Variants in GTF2A1L observed in about 807,000 individuals in gnomAD.
The protein encoded by GTF2A1L is general transcription factor IIA subunit 1 like, also known as TFIIA-alpha and beta-like factor.
Under a neutral mutation model 49.7 loss-of-function variants are expected in GTF2A1L, and 48 were observed. That is an observed-to-expected ratio of 0.97 (90% CI 0.77 to 1.23). GTF2A1L has a LOEUF of 1.23. Ranked by LOEUF, GTF2A1L falls within the 50% of genes most tolerant of loss-of-function variation. The pLI, the probability that GTF2A1L is intolerant of heterozygous loss-of-function variation, is 0.00. For missense variants in GTF2A1L, 736 were observed against 564.8 expected, an observed-to-expected ratio of 1.30 and a Z score of -3.07; for synonymous variants, 246 against 193.5, an observed-to-expected ratio of 1.27 and a Z score of -2.25.
Position 48,669,966 on chromosome 2 carries a change from T to G in GTF2A1L, c.1223T>G (p.Val408Gly). 1 of 1,613,258 alleles carries G rather than the reference T, an allele frequency of 6.2e-7. No individual in the cohort carries two copies. ...AGTAGTGATAATGAAGACCCTCAAG[T>G]AAACATTGTAGAAGAGGTGAGGATG... is the stretch of plus-strand genomic sequence containing the variant. ...TNSSDNEDPQ[V>G]NIVEEDPLNS... is the part of the protein sequence containing the mutation. Residue 408 changes from valine (V) to glycine (G), a missense_variant, in exon 7 of 9, where the codon GTA becomes GGA. Transcript: ENST00000403751.
At chr2:48,632,712 C>T (rs1379337074) in intron 3 of GTF2A1L, 2 of 160,478 alleles carry the variant, frequency 1.2e-5, no homozygotes, top group African/African-American at 2.4e-5. Flanking sequence ...TGCTTCCACT[C>T]CAAAGATATA....
intron 3 of GTF2A1L, among the ~76,000 whole-genome samples, chr2:48,621,837 T>A (rs1676015994): frequency 1.3e-5 from 2 of 152,208 alleles, no homozygotes; most frequent in Admixed American, 6.5e-5. Context: ...AGACTTCTGC[T>A]TTTAAGGGAA....
At chr2:48,670,018 A>C (rs759724244) in intron 7 of GTF2A1L, 36 bp downstream of exon 7, 1 of 1,566,062 alleles carries the variant, frequency 6.4e-7, no homozygotes, top group Non-Finnish European at 8.6e-7. Flanking sequence ...TTCCTTTATT[A>C]ATTTATAACA....
chr2:48,639,422 A>G (rs910821534), intron 3 of GTF2A1L, among the ~76,000 whole-genome samples: 2 of 152,222 alleles, frequency 1.3e-5, no homozygotes, highest in Non-Finnish European at 2.9e-5. Flanking sequence ...GACCTTTGAC[A>G]AAGTCAACAA....
intron 8 of GTF2A1L, among the ~76,000 whole-genome samples, chr2:48,673,056 T>C (rs780007853): frequency 8.5e-5 from 13 of 152,218 alleles, no homozygotes; most frequent in Non-Finnish European, 1.3e-4. Context: ...ATGTGGTCTT[T>C]TGTTACTGGC....
chr2:48,672,321 A>G (rs1306282005), intron 8 of GTF2A1L, among the ~76,000 whole-genome samples: 2 of 152,238 alleles, frequency 1.3e-5, no homozygotes, highest in Admixed American at 1.3e-4. Context: ...GTATAGTACT[A>G]GGAAGTGAAG....
In GTF2A1L at chr2:48,617,913, C is replaced by G. The variant is rs550127632; in HGVS notation, c.21+18C>G. ...ACCCGGTGGTAAGGAAGACCTCAGG[C>G]TCTGTGTAGAGGGAGCGCCCTGGGA... On this transcript the variant is annotated intron_variant, in intron 1 of 8. Transcript: ENST00000403751. 5 of 1,551,612 alleles carry G rather than the reference C, an allele frequency of 3.2e-6. No homozygotes were observed. The highest frequency in any genetic ancestry group is 2.7e-5 in the African/African-American group (2 of 73,072).
intron 6 of GTF2A1L, among the ~76,000 whole-genome samples, chr2:48,651,620 C>T (rs963894955): frequency 4.6e-5 from 7 of 152,088 alleles, no homozygotes; most frequent in African/African-American, 1.4e-4. Flanking sequence ...TGCTAAGACA[C>T]AGCCAATAAT....
intron 3 of GTF2A1L, among the ~76,000 whole-genome samples, chr2:48,625,077 A>G (rs927764453): frequency 6.9e-6 from 1 of 144,284 alleles, no homozygotes; most frequent in African/African-American, 2.5e-5. Flanking sequence ...GTATATATCC[A>G]TAAGAAGGAT....
chr2:48,640,925 G>C (rs1408870698), intron 3 of GTF2A1L, among the ~76,000 whole-genome samples: 1 of 151,998 alleles, frequency 6.6e-6, no homozygotes, highest in Non-Finnish European at 1.5e-5. Flanking sequence ...TCAAAATTAA[G>C]TAGGAGCTGC....
At chr2:48,645,242 T>C in intron 5 of GTF2A1L, 125 bp downstream of exon 5, 2 of 889,736 alleles carry the variant, frequency 2.2e-6, no homozygotes, top group South Asian at 4.1e-5. Context: ...AAATTGATTT[T>C]AAAAGTAATG....
intron 8 of GTF2A1L, among the ~76,000 whole-genome samples, chr2:48,677,629 G>C (rs1679541653): frequency 6.6e-6 from 1 of 151,990 alleles, no homozygotes; most frequent in African/African-American, 2.4e-5. Flanking sequence ...GACACTCTGG[G>C]TATCCTGTTT....
intron 3 of GTF2A1L, among the ~76,000 whole-genome samples, chr2:48,642,006 A>G (rs1038768188): frequency 2.0e-5 from 3 of 152,196 alleles, no homozygotes; most frequent in East Asian, 1.9e-4. Context: ...TGTTGAACCT[A>G]TACAATTTAG....
chr2:48,631,263 T>C (rs539083390), intron 3 of GTF2A1L, among the ~76,000 whole-genome samples: 19 of 152,274 alleles, frequency 1.2e-4, no homozygotes, highest in African/African-American at 1.9e-4. Context: ...TGGGGCTTTT[T>C]TTGGGTGGTA....
At chr2:48,627,690 TG>T (rs1676359686) in intron 3 of GTF2A1L, among the ~76,000 whole-genome samples, 1 of 144,318 alleles carries the variant, frequency 6.9e-6, no homozygotes, top group South Asian at 2.3e-4. Context: ...GTAAAAATGG[TG>T]TTTCTTGAAA....
In GTF2A1L at chr2:48,620,850, G is replaced by A; in HGVS notation, c.22-1G>A. 4 of 1,472,692 alleles carry A rather than the reference G, an allele frequency of 2.7e-6. No homozygotes were observed. Among genetic ancestry groups the A allele is most frequent in the Non-Finnish European group, 3.6e-6 (4 of 1,111,464 alleles). 91.2% of individuals were successfully genotyped at this position (1,472,692 alleles called of 1,614,324 possible). On this transcript the variant is annotated splice_acceptor_variant, in intron 1 of 8. Coordinates refer to ENST00000403751, the MANE Select transcript of GTF2A1L (RefSeq NM_006872.5). LOFTEE classifies it high-confidence loss of function. The stretch of plus-strand genomic sequence containing the variant: ...AAACTTTAACAATTGCTTTTATGTA[G>A]CCTAAACTCTACAGATCTGTAATTG...
In GTF2A1L at chr2:48,667,106, T is replaced by A. The variant is rs1678889886; in HGVS notation, c.979-2616T>A. Among the ~76,000 whole-genome samples the A allele has an allele frequency of 7.4e-5, 10 of 134,352 alleles. 2 individuals carry two copies. The South Asian group carries it at 2.4e-3, about 32-fold the overall frequency. 88.1% of individuals were successfully genotyped at this position (134,352 alleles called of 152,430 possible). On this transcript the variant is annotated intron_variant, in intron 6 of 8. Transcript: ENST00000403751. ...CCACCTCTTCAGCATGCACCACCAC[T>A]CCCAGCTAATTTTTTTTTTTTTTTG...
intron 4 of GTF2A1L, among the ~76,000 whole-genome samples, chr2:48,643,008 A>T (rs1450425364): frequency 6.6e-6 from 1 of 152,178 alleles, no homozygotes; most frequent in Non-Finnish European, 1.5e-5. Flanking sequence ...CCAAGACTGT[A>T]CCTACAAGGT....
At position 48,646,894 on chromosome 2, in the gene GTF2A1L, A is replaced by C. The variant is rs763451772; in HGVS notation, c.830A>C (p.Glu277Ala). The change falls in exon 6 of 9, where the codon GAG becomes GCG. Residue 277 changes from glutamate (E) to alanine (A), a missense_variant. Transcript: ENST00000403751. ...AGCATGGCTCAAAATCTGCATGATG[A>C]GTCCCTCTCCACAAGCCCTCATGGG... ...SASMAQNLHD[E>A]SLSTSPHGAL... The C allele has an allele frequency of 1.9e-6, 3 of 1,614,188 alleles. No homozygotes were observed. The South Asian group carries it at 3.3e-5, about 18-fold the overall frequency.
Sources: allele counts gnomAD v4.1 joint callset (sites outside exome capture counted in the v4.1 genomes callset), GRCh38; gene constraint gnomAD v4.1.1; transcripts MANE v1.5; gene names NCBI Gene and HGNC (gene_info 2026-07-23, HGNC 2026-07-21).